The following LPP variants were observed in gnomAD, a reference collection of about 807,000 sequenced individuals.
LPP encodes the protein lipoma-preferred partner.
In LPP, 38 loss-of-function variants were observed where a neutral mutation model predicts 60.4. That is an observed-to-expected ratio of 0.63 (90% CI 0.49 to 0.83). LPP has a LOEUF of 0.83. Ranked by LOEUF, LPP falls within the 40% of genes least tolerant of loss-of-function variation. The probability of loss-of-function intolerance (pLI) is 0.00; values close to 1 mark genes in which losing one functional copy is unlikely to be tolerated. For synonymous variants in LPP, 328 were observed against 290.8 expected, an observed-to-expected ratio of 1.13 and a Z score of -1.30; for missense variants, 902 against 783.6, an observed-to-expected ratio of 1.15 and a Z score of -1.80.
chr3:188,389,775 CA>C (rs56304365), intron 3 of LPP, among the ~76,000 whole-genome samples: 5 of 85,344 alleles, frequency 5.9e-5, no homozygotes, highest in South Asian at 5.4e-4. Flanking sequence ...GACTCCGTCT[CA>C]AAAAAAAAAA....
intron 3 of LPP, among the ~76,000 whole-genome samples, chr3:188,342,517 A>T (rs1400629574): frequency 6.6e-6 from 1 of 152,238 alleles, no homozygotes; most frequent in African/African-American, 2.4e-5. Flanking sequence ...ATGTAATGTA[A>T]CTTAACCAAA....
At chr3:188,171,450 T>C (rs1450639378) in intron 1 of LPP, among the ~76,000 whole-genome samples, 1 of 152,218 alleles carries the variant, frequency 6.6e-6, no homozygotes, top group African/African-American at 2.4e-5. Flanking sequence ...TCTGGATAGC[T>C]TCCTCTCTCC....
At chr3:188,295,250 A>C (rs1443249189) in intron 2 of LPP, among the ~76,000 whole-genome samples, 1 of 152,234 alleles carries the variant, frequency 6.6e-6, no homozygotes, top group Non-Finnish European at 1.5e-5. Flanking sequence ...TGCAGGCAGC[A>C]CAGATTCCAG....
At chr3:188,804,282 T>TATATATATATATATAA (rs1560227180) in intron 9 of LPP, among the ~76,000 whole-genome samples, 2 of 123,146 alleles carry the variant, frequency 1.6e-5, no homozygotes, top group African/African-American at 3.0e-5. Context: ...TATATATATA[T>TATATATATATATATAA]AAAATGGAAT....
chr3:188,390,453 A>T (rs1779425180), intron 3 of LPP, among the ~76,000 whole-genome samples: 1 of 151,916 alleles, frequency 6.6e-6, no homozygotes, highest in African/African-American at 2.4e-5. Context: ...TACGTTTAGT[A>T]TTTCACTTGA....
chr3:188,857,957 A>G (rs1764236480), intron 9 of LPP, among the ~76,000 whole-genome samples: 1 of 152,246 alleles, frequency 6.6e-6, no homozygotes. Context: ...CATTTATTAT[A>G]TAGTCAGGAC....
chr3:188,377,282 A>G (rs1283296251), intron 3 of LPP, among the ~76,000 whole-genome samples: 2 of 152,270 alleles, frequency 1.3e-5, no homozygotes, highest in Middle Eastern at 3.4e-3. Context: ...GTTCTTCTGG[A>G]TAATATCCTG....
intron 3 of LPP, among the ~76,000 whole-genome samples, chr3:188,347,260 G>A (rs1257349401): frequency 1.3e-5 from 2 of 152,046 alleles, no homozygotes; most frequent in Non-Finnish European, 2.9e-5. Flanking sequence ...GGGCCCCAGA[G>A]GAATACAGAG....
In LPP at chr3:188,624,039, T is replaced by TAA. The variant is rs147176019; in HGVS notation, c.1113+14196_1113+14197insAA. Among the ~76,000 whole-genome samples the TAA allele has an allele frequency of 4.1e-3, 627 of 152,332 alleles. 5 individuals are homozygous for TAA. The highest frequency in any genetic ancestry group is 0.015 in the African/African-American group (605 of 41,576). On this transcript the variant is annotated intron_variant, in intron 7 of 11. Transcript: ENST00000617246. ...TAACATTGAACCTCAAAGAGGAAAG[T>TAA]ACTGCTGAGTTCTGATAGATGCAAG...
At chr3:188,736,967 G>A (rs1722738981) in intron 8 of LPP, among the ~76,000 whole-genome samples, 1 of 151,944 alleles carries the variant, frequency 6.6e-6, no homozygotes. Flanking sequence ...ATATTATCTT[G>A]TGAGGGCAAA....
intron 4 of LPP, among the ~76,000 whole-genome samples, chr3:188,475,544 T>G (rs1375973950): frequency 6.6e-6 from 1 of 152,214 alleles, no homozygotes; most frequent in East Asian, 1.9e-4. Context: ...CATACAGGCC[T>G]ATATAAAATT....
intron 6 of LPP, among the ~76,000 whole-genome samples, chr3:188,556,513 C>T (rs1381095278): frequency 6.6e-6 from 1 of 152,068 alleles, no homozygotes; most frequent in Non-Finnish European, 1.5e-5. Context: ...TATAAAATTA[C>T]ACCTGACTTA....
At chr3:188,464,499 C>T (rs1192902158) in intron 4 of LPP, among the ~76,000 whole-genome samples, 2 of 152,134 alleles carry the variant, frequency 1.3e-5, no homozygotes, top group Admixed American at 6.6e-5. Context: ...GATGATTCTA[C>T]AAATGGAAGA....
chr3:188,631,289 C>A (rs1847810897), intron 7 of LPP, among the ~76,000 whole-genome samples: 1 of 152,054 alleles, frequency 6.6e-6, no homozygotes, highest in Non-Finnish European at 1.5e-5. Context: ...TGGAAAACTG[C>A]CTTTAATCTG....
intron 7 of LPP, among the ~76,000 whole-genome samples, chr3:188,636,515 AC>A (rs1848813775): frequency 6.6e-6 from 1 of 152,168 alleles, no homozygotes; most frequent in Non-Finnish European, 1.5e-5. Flanking sequence ...GCTTAGGTAA[AC>A]AAAGCAGCCA....
intron 6 of LPP, among the ~76,000 whole-genome samples, chr3:188,525,355 C>T (rs73054770): frequency 0.059 from 8,944 of 152,238 alleles, 889 homozygotes; most frequent in African/African-American, 0.2. Flanking sequence ...GCAGAAATTT[C>T]TTAAATTGAC....
chr3:188,154,433 G>T (rs1005215420), intron 1 of LPP, among the ~76,000 whole-genome samples, 181 bp downstream of exon 1: 3 of 152,112 alleles, frequency 2.0e-5, no homozygotes, highest in African/African-American at 7.2e-5. Flanking sequence ...CACGCCATGG[G>T]GGAGGGGGAC....
intron 6 of LPP, among the ~76,000 whole-genome samples, chr3:188,542,641 C>A (rs756733665): frequency 3.3e-5 from 5 of 152,304 alleles, no homozygotes; most frequent in Admixed American, 6.5e-5. Context: ...TCATAACATC[C>A]TTTTATGCAA....
intron 9 of LPP, among the ~76,000 whole-genome samples, chr3:188,816,570 A>G (rs1752559587): frequency 6.6e-6 from 1 of 152,102 alleles, no homozygotes; most frequent in Non-Finnish European, 1.5e-5. Context: ...TCTTAGGCAG[A>G]GCTTATACCT....
Sources: allele counts gnomAD v4.1 joint callset (sites outside exome capture counted in the v4.1 genomes callset), GRCh38; gene constraint gnomAD v4.1.1; transcripts MANE v1.5; gene names NCBI Gene and HGNC (gene_info 2026-07-23, HGNC 2026-07-21).